SH3BGRL: variants seen among roughly 807,000 people sequenced by gnomAD.
The protein encoded by SH3BGRL is SH3 domain binding glutamate rich protein like.
SH3BGRL carries 7 observed loss-of-function variants against 9.8 expected under a neutral mutation model. The observed-to-expected ratio is 0.72, with a 90% confidence interval of 0.41 to 1.35. The LOEUF (loss-of-function observed/expected upper bound fraction) is 1.35. Among genes scored for constraint, SH3BGRL ranks in the 40% most tolerant of loss-of-function variants. SH3BGRL has a pLI of 0.01. For synonymous variants in SH3BGRL, 36 were observed against 29.1 expected, an observed-to-expected ratio of 1.24 and a Z score of -0.76; for missense variants, 73 against 84.4, an observed-to-expected ratio of 0.86 and a Z score of 0.53.
chrX:81,212,628 G>A (rs1301949471), intron 1 of SH3BGRL, among the ~76,000 whole-genome samples: 3 of 111,652 alleles, frequency 2.7e-5, no homozygotes, highest in Admixed American at 9.6e-5. Context: ...AAATTGTGTG[G>A]CTATGATTAG....
In SH3BGRL at chrX:81,291,692, A is replaced by G. The variant is rs1420067775; in HGVS notation, c.313-5503A>G. On this transcript the variant is annotated intron_variant, in intron 3 of 3. Coordinates refer to ENST00000373212, the MANE Select transcript of SH3BGRL (RefSeq NM_003022.3). Reference sequence around the variant, plus strand: ...GTCTCATTTGAGATGAGGCAAGTCCATTTTTCCTATAAGCCTGTAAAATAA... The same window carrying G: ...GTCTCATTTGAGATGAGGCAAGTCCGTTTTTCCTATAAGCCTGTAAAATAA... Among the ~76,000 whole-genome samples, 7 of 111,677 alleles carry G rather than the reference A, an allele frequency of 6.3e-5. No individual in the cohort carries two copies. In the Admixed American group the frequency reaches 6.6e-4, roughly 11 times the overall value.
At chrX:81,235,285 C>T (rs2075644390) in intron 1 of SH3BGRL, among the ~76,000 whole-genome samples, 1 of 110,473 alleles carries the variant, frequency 9.1e-6, no homozygotes, top group Non-Finnish European at 1.9e-5. Context: ...AGACCACTAC[C>T]AAACTGTCCC....
At chrX:81,241,342 G>A (rs2075668593) in intron 1 of SH3BGRL, among the ~76,000 whole-genome samples, 1 of 112,312 alleles carries the variant, frequency 8.9e-6, no homozygotes, top group African/African-American at 3.2e-5. Flanking sequence ...GGGGTGGAAA[G>A]GGGTAGGTTT....
chrX:81,271,336 C>T (rs902835086), intron 1 of SH3BGRL, among the ~76,000 whole-genome samples: 1 of 112,141 alleles, frequency 8.9e-6, no homozygotes, highest in Admixed American at 9.4e-5. Flanking sequence ...GTGTCAATCT[C>T]ACTGCGAGTT....
intron 2 of SH3BGRL, among the ~76,000 whole-genome samples, chrX:81,277,483 G>A (rs2075802139): frequency 8.9e-6 from 1 of 112,365 alleles, no homozygotes; most frequent in African/African-American, 3.2e-5. Flanking sequence ...CATTCCCCAG[G>A]TTGAAACCTC....
intron 1 of SH3BGRL, among the ~76,000 whole-genome samples, chrX:81,267,639 A>G (rs1187711926): frequency 9.0e-6 from 1 of 111,475 alleles, no homozygotes; most frequent in Non-Finnish European, 1.9e-5. Flanking sequence ...TCACGTCGAT[A>G]TTCATCAGGG....
intron 1 of SH3BGRL, among the ~76,000 whole-genome samples, chrX:81,252,694 G>A (rs1346302650): frequency 4.5e-5 from 5 of 112,152 alleles, no homozygotes; most frequent in African/African-American, 1.3e-4. Flanking sequence ...ATTCAAAGCC[G>A]TCCTGGGCCA....
At position 81,292,489 on chromosome X, in the gene SH3BGRL, G is replaced by T. The variant is rs1454058152; in HGVS notation, c.313-4706G>T. Among the ~76,000 whole-genome samples the T allele has an allele frequency of 2.7e-5, 3 of 111,747 alleles. No homozygotes were observed. In the Admixed American group the frequency reaches 2.8e-4, roughly 10 times the overall value. ...ACCATTTTACTATTCCAGGCCTCTG[G>T]GCTTTTGATGGCAGGGGCTGCCATA... On this transcript the variant is annotated intron_variant, in intron 3 of 3. Transcript: ENST00000373212.
intron 1 of SH3BGRL, among the ~76,000 whole-genome samples, chrX:81,229,672 C>G (rs182826038): frequency 1.2e-3 from 136 of 111,442 alleles, no homozygotes; most frequent in African/African-American, 4.4e-3. Context: ...TGTTGGTGTG[C>G]TCTTACACTA....
At chrX:81,274,448 T>TA (rs1355064908) in intron 1 of SH3BGRL, among the ~76,000 whole-genome samples, 1 of 110,525 alleles carries the variant, frequency 9.0e-6, no homozygotes, top group Non-Finnish European at 1.9e-5. Flanking sequence ...CCGTCTCTAC[T>TA]AAAAATACAA....
At chrX:81,237,897 G>C (rs373033908) in intron 1 of SH3BGRL, among the ~76,000 whole-genome samples, 190 of 106,515 alleles carry the variant, frequency 1.8e-3, no homozygotes, top group African/African-American at 6.2e-3. Flanking sequence ...TTGGATACTA[G>C]CTCAGCCACA....
intron 1 of SH3BGRL, among the ~76,000 whole-genome samples, chrX:81,263,660 T>C (rs1455383403): frequency 9.0e-6 from 1 of 111,122 alleles, no homozygotes; most frequent in Non-Finnish European, 1.9e-5. Context: ...AGTCCCTTTA[T>C]TGTTACTGAC....
At chrX:81,221,729 A>T (rs769805685) in intron 1 of SH3BGRL, among the ~76,000 whole-genome samples, 1 of 112,182 alleles carries the variant, frequency 8.9e-6, no homozygotes, top group Admixed American at 9.5e-5. Flanking sequence ...TCCACATTTT[A>T]TAATGGTGCT....
intron 1 of SH3BGRL, among the ~76,000 whole-genome samples, chrX:81,218,371 T>C (rs954431609): frequency 2.7e-5 from 3 of 110,366 alleles, no homozygotes; most frequent in Non-Finnish European, 3.8e-5. Flanking sequence ...TCTATTTTGG[T>C]GTATTTCAAA....
At chrX:81,282,365 G>T (rs924902282) in intron 3 of SH3BGRL, among the ~76,000 whole-genome samples, 1 of 111,405 alleles carries the variant, frequency 9.0e-6, no homozygotes, top group Non-Finnish European at 1.9e-5. Flanking sequence ...TTATCCAACT[G>T]CAGAATACAC....
At chrX:81,276,029 G>A (rs973826131) in intron 1 of SH3BGRL, among the ~76,000 whole-genome samples, 2 of 110,961 alleles carry the variant, frequency 1.8e-5, no homozygotes, top group Admixed American at 1.9e-4. Flanking sequence ...AACACTCCAT[G>A]TGTCTTTATT....
At chrX:81,281,573 A>G (rs2075816726) in intron 3 of SH3BGRL, among the ~76,000 whole-genome samples, 1 of 112,291 alleles carries the variant, frequency 8.9e-6, no homozygotes, top group Non-Finnish European at 1.9e-5. Flanking sequence ...GAAATTAAGC[A>G]TCATATATGA....
At chrX:81,268,293 T>C (rs771951120) in intron 1 of SH3BGRL, among the ~76,000 whole-genome samples, 3 of 111,640 alleles carry the variant, frequency 2.7e-5, no homozygotes, top group Non-Finnish European at 3.8e-5. Context: ...TCTTCTCTAG[T>C]TCTTTTAATT....
At position 81,251,037 on chromosome X, in the gene SH3BGRL, T is replaced by C. The variant is rs60842714; in HGVS notation, c.46-25947T>C. The stretch of plus-strand genomic sequence containing the variant: ...AATCCTGCTGATTTTTAATGAAGAC[T>C]GCATAATTAAAGAAACCTCCTAAGA... On this transcript the variant is annotated intron_variant, in intron 1 of 3. Transcript: ENST00000373212. 9.2e-3 allele frequency among the ~76,000 whole-genome samples: 1,038 copies of C among 112,288 alleles called. 9 individuals are homozygous for C. Among genetic ancestry groups the C allele is most frequent in the African/African-American group, 0.031 (971 of 30,938 alleles).
Sources: allele counts gnomAD v4.1 joint callset (sites outside exome capture counted in the v4.1 genomes callset), GRCh38; gene constraint gnomAD v4.1.1; transcripts MANE v1.5; gene names NCBI Gene and HGNC (gene_info 2026-07-23, HGNC 2026-07-21).